ANPEP: variants seen among roughly 807,000 people sequenced by gnomAD.
ANPEP encodes aminopeptidase N.
ANPEP carries 70 observed loss-of-function variants against 114.6 expected under a neutral mutation model. The observed-to-expected ratio is 0.61, with a 90% CI of 0.50 to 0.75. The LOEUF (loss-of-function observed/expected upper bound fraction) is 0.75. Among genes scored for constraint, ANPEP ranks in the 30% least tolerant of loss-of-function variants. The pLI, the probability that ANPEP is intolerant of heterozygous loss-of-function variation, is 0.00. For missense variants in ANPEP, 1,184 were observed against 1,259.5 expected (o/e 0.94, Z 0.91); for synonymous variants, 548 against 522.3 (o/e 1.05, Z -0.67).
At chr15:89,787,736 T>C (rs1408456180) in intron 20 of ANPEP, among the ~76,000 whole-genome samples, 1 of 152,194 alleles carries the variant, frequency 6.6e-6, no homozygotes, top group East Asian at 1.9e-4. Flanking sequence ...AAGGCTGAAG[T>C]GGGAGGGTTG....
chr15:89,807,684 G>C (rs1894743080), intron 1 of ANPEP, among the ~76,000 whole-genome samples: 1 of 152,318 alleles, frequency 6.6e-6, no homozygotes, highest in East Asian at 1.9e-4. Context: ...CTGGGTGACA[G>C]AGTGAGACTC....
rs7169049 is a variant in ANPEP at position 89,803,104 on chromosome 15, A to G, written c.1569+135T>C. ...GGCTTCCACTATAGGGAGGAGCAAC[A>G]GAGGCTCCATCCACCCTGCAGGGCT... On this transcript the variant is annotated intron_variant, in intron 10 of 20. Transcript: ENST00000300060. This position sits in a 1 kb window ranked among gnomAD's most constrained non-coding sequence, Gnocchi z 4.2. The G allele has an allele frequency of 0.016, 15,951 of 983,582 alleles. 1,158 individuals are homozygous for G. The African/African-American group carries it at 0.18, about 11-fold the overall frequency. The allele number at this position is 983,582 out of a possible 1,614,324, so 60.9% of individuals were successfully genotyped here.
At chr15:89,787,155 C>G (rs1044862292) in intron 20 of ANPEP, among the ~76,000 whole-genome samples, 1 of 149,732 alleles carries the variant, frequency 6.7e-6, no homozygotes, top group Non-Finnish European at 1.5e-5. Flanking sequence ...AAGCAATTCT[C>G]CTGCCTCAGC....
intron 15 of ANPEP, among the ~76,000 whole-genome samples, chr15:89,795,706 G>C (rs1325653247): frequency 2.6e-5 from 4 of 152,188 alleles, no homozygotes; most frequent in African/African-American, 9.7e-5. Context: ...TGTGAGAGTG[G>C]AATAAAGACA....
intron 14 of ANPEP, 41 bp from the exon 15 acceptor site, chr15:89,797,763 C>T (rs200148807): frequency 1.6e-5 from 26 of 1,611,762 alleles, no homozygotes; most frequent in Non-Finnish European, 2.1e-5. Flanking sequence ...CACCTCCACC[C>T]AGCCCAGCCA....
At chr15:89,796,683 G>C (rs1160108314) in intron 15 of ANPEP, among the ~76,000 whole-genome samples, 1 of 151,308 alleles carries the variant, frequency 6.6e-6, no homozygotes, top group Non-Finnish European at 1.5e-5. Flanking sequence ...TTTTAGTAGA[G>C]ACGAGGTTTC....
chr15:89,790,871 G>C, intron 19 of ANPEP, 82 bp downstream of exon 19: 1 of 1,528,998 alleles, frequency 6.5e-7, no homozygotes, highest in Non-Finnish European at 8.9e-7. Flanking sequence ...TAGTGCCCCC[G>C]GCGTGTCTTA....
rs377402325 is a variant in ANPEP, at chr15:89,799,341, C to T, written c.1954-26G>A. 3.1e-6 allele frequency: 5 copies of T among 1,614,050 alleles called. No individual in the cohort carries two copies. The African/African-American group carries it at 6.7e-5, about 22-fold the overall frequency. On this transcript the variant is annotated intron_variant, in intron 13 of 20. Transcript: ENST00000300060. The surrounding 1 kb of genome is among the most constrained non-coding windows in gnomAD (Gnocchi z 4.2). ...CTAGAATGCGAAGCACAGCATGTGA[C>T]CATGGGTTGGCTGTGGGTGGCAGGC...
rs977812361 is a variant in ANPEP, at chr15:89,786,153, T to C, written c.2752-652A>G. ...AAATGAAATTAAGAAAACAATTCCA[T>C]TTACGATAGCATCAACAAGAATAAA... On this transcript the variant is annotated intron_variant, in intron 20 of 20. Transcript: ENST00000300060. Among the ~76,000 whole-genome samples the C allele has an allele frequency of 3.3e-5, 5 of 152,292 alleles. No homozygotes were observed. In the East Asian group the frequency reaches 9.6e-4, roughly 29 times the overall value.
chr15:89,798,893 C>T (rs960944952), intron 14 of ANPEP, among the ~76,000 whole-genome samples: 1 of 152,206 alleles, frequency 6.6e-6, no homozygotes. Flanking sequence ...GAGCTGAGAT[C>T]GCGCCACTGT....
intron 1 of ANPEP, among the ~76,000 whole-genome samples, chr15:89,810,342 G>A (rs951355156): frequency 6.6e-5 from 10 of 152,068 alleles, no homozygotes; most frequent in Admixed American, 6.6e-4. Context: ...TTGTGCCACT[G>A]TACTCCAGCC....
In ANPEP at chr15:89,806,431, C is replaced by G. The variant is rs370108152; in HGVS notation, c.153G>C (p.Pro51=). The G allele has an allele frequency of 6.2e-7, 1 of 1,613,774 alleles. No homozygotes were observed. Among genetic ancestry groups the G allele is most frequent in the African/African-American group, 1.3e-5 (1 of 74,986 alleles). The change falls in exon 2 of 21, where the codon CCG becomes CCC. Residue 51 remains proline (P), a synonymous_variant. Coordinates refer to ENST00000300060, the MANE Select transcript of ANPEP (RefSeq NM_001150.3). This position sits in a 1 kb window ranked among gnomAD's most constrained non-coding sequence, Gnocchi z 5.7. Reference sequence around the variant, plus strand: ...CGGGGTTGGTGGTGGCTGAGGCGGACGGGGTGGTGGAGGCCACGGGGGAGC... The same window carrying G: ...CGGGGTTGGTGGTGGCTGAGGCGGAGGGGGTGGTGGAGGCCACGGGGGAGC... ...ANSSPVASTT[P]SASATTNPAS...
chr15:89,804,112 AC>A, intron 6 of ANPEP, 110 bp from the exon 7 acceptor site: 1 of 1,544,678 alleles, frequency 6.5e-7, no homozygotes, highest in South Asian at 1.2e-5. Flanking sequence ...GGGGATTTCA[AC>A]ACCATCGTGA....
In ANPEP at chr15:89,799,791, CCCTA is replaced by C. The variant is rs898240229; in HGVS notation, c.1820-236_1820-233del. ...CCAAACCTCAGAACCTGCCCTGCCTCCCTAGGCTCTGCACGGCCAGGCCAGCTGC... is the reference window on the plus strand; with the variant it reads ...CCAAACCTCAGAACCTGCCCTGCCTCGGCTCTGCACGGCCAGGCCAGCTGC... On this transcript the variant is annotated intron_variant, in intron 12 of 20. Transcript: ENST00000300060. This position sits in a 1 kb window ranked among gnomAD's most constrained non-coding sequence, Gnocchi z 4.2. 9.8e-5 allele frequency among the ~76,000 whole-genome samples: 15 copies of C among 152,304 alleles called. No individual in the cohort carries two copies. The highest frequency in any genetic ancestry group is 1.9e-4 in the African/African-American group (8 of 41,566).
Position 89,805,724 on chromosome 15 carries a change from G to A in ANPEP, c.614+246C>T, listed in dbSNP as rs898912412. ...GGTGAGTTTCTCTCCTCTGAGCCTC[G>A]GTTTTCCTGTCTGTCCAAGGGACGC... On this transcript the variant is annotated intron_variant, in intron 2 of 20. Coordinates refer to ENST00000300060, the MANE Select transcript of ANPEP (RefSeq NM_001150.3). Among the ~76,000 whole-genome samples, 62 of 152,126 alleles carry A rather than the reference G, an allele frequency of 4.1e-4. 1 individual carries two copies. Among genetic ancestry groups the A allele is most frequent in the African/African-American group, 1.5e-3 (62 of 41,422 alleles).
Position 89,806,043 on chromosome 15 carries a change from C to G in ANPEP, c.541G>C (p.Glu181Gln), listed in dbSNP as rs866403202. Residue 181 changes from glutamate (E) to glutamine (Q), a missense_variant, in exon 2 of 21, where the codon GAG (glutamate) becomes CAG (glutamine). By Grantham distance (29) the Glu-to-Gln change is conservative. Coordinates refer to ENST00000300060, the MANE Select transcript of ANPEP (RefSeq NM_001150.3). The surrounding 1 kb of genome is among the most constrained non-coding windows in gnomAD (Gnocchi z 5.7). ...TCATCTGCCAACTCCCCCTCGAACT[C>G]GCTGTCCATCTCATACTGGCTGTCC... ...VKDSQYEMDS[E>Q]FEGELADDLA... The G allele has an allele frequency of 2.5e-6, 4 of 1,612,560 alleles. No homozygotes were observed. Among genetic ancestry groups the G allele is most frequent in the Non-Finnish European group, 3.4e-6 (4 of 1,178,716 alleles).
At position 89,813,991 on chromosome 15, in the gene ANPEP, T is replaced by TTGGG. The variant is rs796085758; in HGVS notation, c.-224+780_-224+781insCCCA. The stretch of plus-strand genomic sequence containing the variant: ...GGGCCGTCCCTGCCCACCGCACTGC[T>TTGGG]GGGGGGGGGGGGTGCGTTCTGGAGT... On this transcript the variant is annotated intron_variant, in intron 1 of 20. Coordinates refer to ENST00000300060, the MANE Select transcript of ANPEP (RefSeq NM_001150.3). Among the ~76,000 whole-genome samples the TTGGG allele has an allele frequency of 1.8e-5, 2 of 111,710 alleles. 1 individual carries two copies. Among genetic ancestry groups the TTGGG allele is most frequent in the African/African-American group, 8.6e-5 (2 of 23,380 alleles). 73.3% of individuals were successfully genotyped at this position (111,710 alleles called of 152,430 possible). A position where few individuals can be genotyped will look rare whatever the true frequency, so the allele number is the denominator to read the frequency against.
chr15:89,812,136 C>T (rs552970418), intron 1 of ANPEP, among the ~76,000 whole-genome samples: 2 of 152,328 alleles, frequency 1.3e-5, no homozygotes, highest in Admixed American at 1.3e-4. Context: ...ACTCCAGGAG[C>T]CTGGGAGGGG....
chr15:89,813,987 C>A (rs1894859574), intron 1 of ANPEP, among the ~76,000 whole-genome samples: 1 of 109,686 alleles, frequency 9.1e-6, no homozygotes, highest in African/African-American at 4.8e-5. Flanking sequence ...GCCCACCGCA[C>A]TGCTGGGGGG....
Sources: gnomAD v4.1 joint callset for allele counts (sites outside exome capture counted in the v4.1 genomes callset) on GRCh38, gnomAD v4.1.1 for gene constraint, Gnocchi (gnomAD v3.1) non-coding constraint, MANE v1.5 for transcripts, NCBI Gene and HGNC (gene_info 2026-07-23, HGNC 2026-07-21) for gene names.